Variants in ATAD1 observed in about 807,000 individuals in gnomAD.
The protein encoded by ATAD1 is outer mitochondrial transmembrane helix translocase.
In ATAD1, 18 loss-of-function variants were observed where a neutral mutation model predicts 42.7. The ratio of observed to expected loss-of-function variants is 0.42; its 90% confidence interval spans 0.29 to 0.63. The LOEUF (loss-of-function observed/expected upper bound fraction) is 0.63, where lower values mean the gene tolerates loss of function less well. Ranked by LOEUF, ATAD1 falls within the 20% of genes least tolerant of loss-of-function variation. ATAD1 has a pLI of 0.19. For missense variants in ATAD1, 294 were observed against 440.4 expected (o/e 0.67, Z 2.98); for synonymous variants, 132 against 143.1 (o/e 0.92, Z 0.55).
chr10:87,816,056 A>C (rs1246222008), intron 1 of ATAD1, among the ~76,000 whole-genome samples: 1 of 152,142 alleles, frequency 6.6e-6, no homozygotes, highest in Non-Finnish European at 1.5e-5. Flanking sequence ...AATCACATGA[A>C]TCTTCGTATT....
intron 2 of ATAD1, among the ~76,000 whole-genome samples, chr10:87,801,556 T>G (rs999573717): frequency 2.7e-5 from 4 of 148,720 alleles, no homozygotes; most frequent in Non-Finnish European, 5.9e-5. Context: ...TATTAGTATG[T>G]GTCCTAAAAT....
At chr10:87,778,667 A>G (rs558606649) in intron 5 of ATAD1, among the ~76,000 whole-genome samples, 2 of 152,208 alleles carry the variant, frequency 1.3e-5, no homozygotes, top group Non-Finnish European at 2.9e-5. Context: ...TTGTTGCTCA[A>G]AAACTTTCGA....
At chr10:87,832,486 C>G (rs1857850973) in intron 1 of ATAD1, among the ~76,000 whole-genome samples, 1 of 151,506 alleles carries the variant, frequency 6.6e-6, no homozygotes, top group Non-Finnish European at 1.5e-5. Context: ...AAGTGTCTAC[C>G]CTTTCACCAA....
At chr10:87,769,182 TAA>T (rs1192229100) in intron 7 of ATAD1, among the ~76,000 whole-genome samples, 1 of 152,186 alleles carries the variant, frequency 6.6e-6, no homozygotes, top group Non-Finnish European at 1.5e-5. Context: ...AACAAATTTT[TAA>T]AAAAGTGTTC....
At chr10:87,812,008 C>T (rs1320207556) in intron 2 of ATAD1, among the ~76,000 whole-genome samples, 1 of 152,000 alleles carries the variant, frequency 6.6e-6, no homozygotes, top group African/African-American at 2.4e-5. Flanking sequence ...TTTTCTTTTC[C>T]CACATCATCA....
chr10:87,840,024 G>C (rs1156577733), intron 1 of ATAD1, among the ~76,000 whole-genome samples: 3 of 152,102 alleles, frequency 2.0e-5, no homozygotes, highest in Non-Finnish European at 4.4e-5. Context: ...GATTATTACT[G>C]ACCTCAATTC....
intron 3 of ATAD1, among the ~76,000 whole-genome samples, 187 bp downstream of exon 3, chr10:87,792,470 T>C (rs1198235669): frequency 2.0e-5 from 3 of 152,170 alleles, no homozygotes; most frequent in Admixed American, 2.0e-4. Context: ...CCCCTTCCCT[T>C]TGCTGATTTT....
rs146743394 is a variant in ATAD1, at chr10:87,810,813, G to A, written c.162+3625C>T. On this transcript the variant is annotated intron_variant, in intron 2 of 9. Transcript: ENST00000680024. ...CTTTATCTTTAGTTGAAATACTACA[G>A]ATAGCCTTTTGGGGTTCTAGATTTA... is the stretch of plus-strand genomic sequence containing the variant. Among the ~76,000 whole-genome samples, 68 of 152,080 alleles carry A rather than the reference G, an allele frequency of 4.5e-4. 1 individual carries two copies. Among genetic ancestry groups the A allele is most frequent in the African/African-American group, 1.5e-3 (62 of 41,400 alleles).
intron 1 of ATAD1, among the ~76,000 whole-genome samples, chr10:87,815,875 G>A (rs1196075194): frequency 1.3e-5 from 2 of 151,974 alleles, no homozygotes; most frequent in Non-Finnish European, 2.9e-5. Context: ...TCTTTTCAAA[G>A]GGACTCTATA....
At chr10:87,795,294 T>A (rs1856328937) in intron 2 of ATAD1, among the ~76,000 whole-genome samples, 1 of 152,084 alleles carries the variant, frequency 6.6e-6, no homozygotes, top group Non-Finnish European at 1.5e-5. Flanking sequence ...ACAAACTGTG[T>A]CCCAGGAAGA....
chr10:87,755,189 G>A (rs568781657), intron 9 of ATAD1, among the ~76,000 whole-genome samples: 14 of 152,252 alleles, frequency 9.2e-5, no homozygotes, highest in Non-Finnish European at 1.8e-4. Context: ...AAAAAATCAC[G>A]TTATTCCCAT....
intron 8 of ATAD1, among the ~76,000 whole-genome samples, chr10:87,763,098 A>C (rs1816649829): frequency 6.7e-6 from 1 of 148,942 alleles, no homozygotes; most frequent in Non-Finnish European, 1.5e-5. Flanking sequence ...AAAAAAAAAA[A>C]AAAAAAAGGC....
intron 1 of ATAD1, chr10:87,833,144 T>C (rs1857864788): frequency 6.6e-6 from 1 of 152,236 alleles, no homozygotes; most frequent in South Asian, 2.1e-4. Flanking sequence ...AGATCTTCTT[T>C]GATTGCTTTC....
intron 1 of ATAD1, among the ~76,000 whole-genome samples, chr10:87,816,786 G>T (rs1242927781): frequency 1.3e-5 from 2 of 152,162 alleles, no homozygotes; most frequent in Admixed American, 1.3e-4. Flanking sequence ...CACTACGTGG[G>T]GTATACTCAC....
chr10:87,776,856 C>T (rs1336317187), intron 5 of ATAD1, among the ~76,000 whole-genome samples: 1 of 151,814 alleles, frequency 6.6e-6, no homozygotes, highest in African/African-American at 2.4e-5. Flanking sequence ...TTCTAATTAC[C>T]CTGGTCTGAT....
intron 8 of ATAD1, among the ~76,000 whole-genome samples, chr10:87,766,475 C>T (rs768696060): frequency 5.3e-5 from 8 of 151,748 alleles, no homozygotes; most frequent in Admixed American, 6.6e-5. Context: ...AAGATCTCAA[C>T]GATACGTAAA....
Position 87,753,579 on chromosome 10 carries a change from A to T in ATAD1, c.*1108T>A, listed in dbSNP as rs1474999318. 4 of 152,594 alleles carry T rather than the reference A, an allele frequency of 2.6e-5. No individual in the cohort carries two copies. The highest frequency in any genetic ancestry group is 5.9e-5 in the Non-Finnish European group (4 of 68,018). 9.5% of individuals were successfully genotyped at this position (152,594 alleles called of 1,614,324 possible). A position where few individuals can be genotyped will look rare whatever the true frequency, so the allele number is the denominator to read the frequency against. On this transcript the variant is annotated 3_prime_UTR_variant, in exon 10 of 10. Transcript: ENST00000680024. ...TTAAACGACTACAGATAGATACAATATGGGCATTTTGATGTGTACATTTGT... is the reference window on the plus strand; with the variant it reads ...TTAAACGACTACAGATAGATACAATTTGGGCATTTTGATGTGTACATTTGT...
chr10:87,821,206 AC>A (rs1857625076), upstream of ATAD1, among the ~76,000 whole-genome samples: 1 of 151,886 alleles, frequency 6.6e-6, no homozygotes, highest in South Asian at 2.1e-4. Flanking sequence ...TGCACTAGAC[AC>A]CTGGTGGGAA....
intron 4 of ATAD1, among the ~76,000 whole-genome samples, chr10:87,789,070 T>A (rs1040249403): frequency 6.6e-6 from 1 of 152,190 alleles, no homozygotes; most frequent in Non-Finnish European, 1.5e-5. Flanking sequence ...TTCATAAAAA[T>A]GCACAGGTAC....
Sources: gnomAD v4.1 joint callset for allele counts (sites outside exome capture counted in the v4.1 genomes callset) on GRCh38, gnomAD v4.1.1 for gene constraint, MANE v1.5 for transcripts, NCBI Gene and HGNC (gene_info 2026-07-23, HGNC 2026-07-21) for gene names.